PKD2: variants seen among roughly 807,000 people sequenced by gnomAD.
PKD2 encodes the protein polycystin-2.
In PKD2, 48 loss-of-function variants were observed where a neutral mutation model predicts 105.9. That is an observed-to-expected ratio of 0.45 (90% CI 0.36 to 0.58). The LOEUF is 0.58. PKD2 is among the 20% of genes least tolerant of loss of function. PKD2 has a pLI of 0.00. For missense variants in PKD2, 1,078 were observed against 1,255.3 expected (o/e 0.86, Z 2.13); for synonymous variants, 464 against 481.1 (o/e 0.96, Z 0.46).
At chr4:88,053,077 C>T (rs1415869086) in intron 7 of PKD2, among the ~76,000 whole-genome samples, 1 of 152,198 alleles carries the variant, frequency 6.6e-6, no homozygotes, top group Non-Finnish European at 1.5e-5. Context: ...GCCATTCGGT[C>T]ACCAGCACAG....
At chr4:88,056,798 A>G (rs549183438) in intron 8 of PKD2, among the ~76,000 whole-genome samples, 21 of 152,342 alleles carry the variant, frequency 1.4e-4, no homozygotes, top group African/African-American at 4.3e-4. Context: ...TTAGTTTAAA[A>G]AGGAATGGAA....
At chr4:88,019,148 T>C (rs1031748513) in intron 1 of PKD2, among the ~76,000 whole-genome samples, 1 of 152,230 alleles carries the variant, frequency 6.6e-6, no homozygotes, top group Non-Finnish European at 1.5e-5. Context: ...TAGGCCTTCC[T>C]TATTTCCTGT....
chr4:88,028,810 A>C (rs945575169), intron 2 of PKD2, among the ~76,000 whole-genome samples: 1 of 152,340 alleles, frequency 6.6e-6, no homozygotes, highest in Middle Eastern at 3.4e-3. Context: ...TAAAGTAAAA[A>C]AATCAGTAAG....
chr4:88,016,978 A>C (rs1726581152), intron 1 of PKD2, among the ~76,000 whole-genome samples: 1 of 151,920 alleles, frequency 6.6e-6, no homozygotes, highest in Non-Finnish European at 1.5e-5. Context: ...ACAAAAAAAA[A>C]AACAGAGACA....
intron 6 of PKD2, among the ~76,000 whole-genome samples, chr4:88,049,829 A>G (rs897461316): frequency 7.9e-5 from 12 of 152,120 alleles, no homozygotes; most frequent in Admixed American, 1.3e-4. Context: ...TATGTTCTGA[A>G]GTACACAGGC....
intron 3 of PKD2, among the ~76,000 whole-genome samples, chr4:88,036,867 T>C (rs1414947091): frequency 6.6e-6 from 1 of 152,234 alleles, no homozygotes; most frequent in African/African-American, 2.4e-5. Flanking sequence ...TTTGTCTCTT[T>C]GTTGATGATG....
At position 88,058,044 on chromosome 4, in the gene PKD2, C is replaced by A. The variant is rs146396414; in HGVS notation, c.1960C>A (p.Arg654=). 6.4e-7 allele frequency: 1 copy of A among 1,563,032 alleles called. No individual in the cohort carries two copies. The highest frequency in any genetic ancestry group is 8.8e-7 in the Non-Finnish European group (1 of 1,133,658). ...CTTTGCAGAGATTGAGGAAGCTAAT[C>A]GAGTTTTGGGACCAATTTATTTCAC... The part of the protein sequence containing the change: ...INFAEIEEAN[R]VLGPIYFTTF... The change falls in exon 9 of 15, where the codon CGA becomes AGA. Residue 654 remains arginine, a synonymous_variant. Transcript: ENST00000237596.
Position 88,008,015 on chromosome 4 carries a change from C to G in PKD2, c.282C>G (p.Phe94Leu). ...RQAWSRDNPG[F>L]EAEEEEEEVE... is the part of the protein sequence containing the mutation. ...CGTGGAGCCGCGATAACCCCGGCTT[C>G]GAGGCCGAGGAGGAGGAGGAGGAGG... Residue 94 changes from phenylalanine to leucine, a missense_variant, in exon 1 of 15, where the codon TTC becomes TTG. Coordinates refer to ENST00000237596, the MANE Select transcript of PKD2 (RefSeq NM_000297.4). The G allele has an allele frequency of 6.6e-7, 1 of 1,520,852 alleles. No homozygotes were observed. The highest frequency in any genetic ancestry group is 2.5e-5 in the East Asian group (1 of 39,716). The allele number at this position is 1,520,852 out of a possible 1,614,324, so 94.2% of individuals were successfully genotyped here. A position where few individuals can be genotyped will look rare whatever the true frequency, so the allele number is the denominator to read the frequency against.
chr4:88,068,785 A>G (rs555368072), intron 13 of PKD2, among the ~76,000 whole-genome samples: 10 of 152,250 alleles, frequency 6.6e-5, no homozygotes, highest in African/African-American at 2.4e-4. Context: ...CAGGTCTCCC[A>G]TTTCCTGGTT....
At position 88,069,828 on chromosome 4, in the gene PKD2, G is replaced by A. The variant is rs556403786; in HGVS notation, c.2522+1767G>A. On this transcript the variant is annotated intron_variant, in intron 13 of 14. Coordinates refer to ENST00000237596, the MANE Select transcript of PKD2 (RefSeq NM_000297.4). ...TCATCTGTCGTCATTCTCTTTCTCC[G>A]ATACAGCTTTGCTACTGCCTACCTC... Among the ~76,000 whole-genome samples, 28 of 151,990 alleles carry A rather than the reference G, an allele frequency of 1.8e-4. No individual in the cohort carries two copies. In the East Asian group the frequency reaches 3.1e-3, roughly 17 times the overall value.
chr4:88,013,510 A>G (rs1257848371), intron 1 of PKD2, among the ~76,000 whole-genome samples: 1 of 152,168 alleles, frequency 6.6e-6, no homozygotes, highest in African/African-American at 2.4e-5. Context: ...CAGCAGTTCA[A>G]GGCTACCCTG....
intron 9 of PKD2, among the ~76,000 whole-genome samples, chr4:88,058,391 A>G (rs1720441921): frequency 6.6e-6 from 1 of 152,162 alleles, no homozygotes; most frequent in African/African-American, 2.4e-5. Context: ...ATATGTATCT[A>G]TTCCATGCAA....
At chr4:88,038,133 C>A in intron 3 of PKD2, 118 bp from the exon 4 acceptor site, 1 of 1,077,450 alleles carries the variant, frequency 9.3e-7, no homozygotes, top group Non-Finnish European at 1.4e-6. Context: ...AAAACTCATT[C>A]TTATCACTCT....
At chr4:88,009,007 T>TA (rs1387955014) in intron 1 of PKD2, among the ~76,000 whole-genome samples, 2 of 152,220 alleles carry the variant, frequency 1.3e-5, no homozygotes, top group African/African-American at 2.4e-5. Context: ...TACATTGTTT[T>TA]AAAAAAATTT....
intron 2 of PKD2, among the ~76,000 whole-genome samples, chr4:88,035,460 G>A (rs1727299026): frequency 6.6e-6 from 1 of 152,154 alleles, no homozygotes; most frequent in Non-Finnish European, 1.5e-5. Context: ...AACCAACAAG[G>A]GGAAGTGATG....
At chr4:88,040,860 T>C (rs574776013) in intron 4 of PKD2, among the ~76,000 whole-genome samples, 56 of 152,304 alleles carry the variant, frequency 3.7e-4, no homozygotes, top group Admixed American at 2.0e-3. Flanking sequence ...CTCTTTCCCA[T>C]GACATTCAGA....
rs374650752 is a variant in PKD2, at chr4:88,016,969, CA to C, written c.596-2478del. 8.6e-3 allele frequency among the ~76,000 whole-genome samples: 905 copies of C among 105,404 alleles called. 12 individuals are homozygous for C. Among genetic ancestry groups the C allele is most frequent in the African/African-American group, 0.028 (809 of 28,584 alleles). 69.1% of individuals were successfully genotyped at this position (105,404 alleles called of 152,430 possible). ...TGATAGAGTGAGACTCTGTCTCAAA[CA>C]AAAAAAAAAACAGAGACAGAAAAAA... On this transcript the variant is annotated intron_variant, in intron 1 of 14. Coordinates refer to ENST00000237596, the MANE Select transcript of PKD2 (RefSeq NM_000297.4).
chr4:88,063,027 C>T (rs1490234305), intron 10 of PKD2, among the ~76,000 whole-genome samples: 1 of 152,176 alleles, frequency 6.6e-6, no homozygotes, highest in Non-Finnish European at 1.5e-5. Flanking sequence ...TGAGTAACAG[C>T]ACAAAGTACA....
At chr4:88,027,284 G>A (rs1231650364) in intron 2 of PKD2, among the ~76,000 whole-genome samples, 1 of 152,240 alleles carries the variant, frequency 6.6e-6, no homozygotes, top group Non-Finnish European at 1.5e-5. Flanking sequence ...CCAAGGCCAT[G>A]GGAGCCCACC....
Sources: allele counts gnomAD v4.1 joint callset (sites outside exome capture counted in the v4.1 genomes callset), GRCh38; gene constraint gnomAD v4.1.1; transcripts MANE v1.5; gene names NCBI Gene and HGNC (gene_info 2026-07-23, HGNC 2026-07-21).